Variants in FAM3C observed in about 807,000 individuals in gnomAD.
FAM3C encodes protein FAM3C.
Under a neutral mutation model 32.5 loss-of-function variants are expected in FAM3C, and 15 were observed. The observed-to-expected ratio is 0.46, with a 90% CI of 0.31 to 0.71. The LOEUF (loss-of-function observed/expected upper bound fraction) is 0.71, where lower values mean the gene tolerates loss of function less well. Among genes scored for constraint, FAM3C ranks in the 30% least tolerant of loss-of-function variants. FAM3C has a pLI of 0.05. For missense variants in FAM3C, 175 were observed against 274.4 expected, an observed-to-expected ratio of 0.64 and a Z score of 2.56; for synonymous variants, 75 against 86.1, an observed-to-expected ratio of 0.87 and a Z score of 0.72.
intron 1 of FAM3C, among the ~76,000 whole-genome samples, chr7:121,392,204 G>A (rs369891511): frequency 3.3e-5 from 5 of 152,242 alleles, no homozygotes; most frequent in Non-Finnish European, 5.9e-5. Context: ...TTGTGAAAAC[G>A]TATTGTATTA....
intron 1 of FAM3C, among the ~76,000 whole-genome samples, chr7:121,395,220 C>T (rs887387380): frequency 2.0e-5 from 3 of 150,634 alleles, no homozygotes; most frequent in African/African-American, 7.3e-5. Flanking sequence ...CGGATACATA[C>T]ATATATATGG....
At chr7:121,383,337 A>G (rs1794398713) in intron 1 of FAM3C, among the ~76,000 whole-genome samples, 1 of 152,094 alleles carries the variant, frequency 6.6e-6, no homozygotes, top group South Asian at 2.1e-4. Context: ...TTAGCTCCAA[A>G]CCTTCAGTTT....
intron 8 of FAM3C, among the ~76,000 whole-genome samples, chr7:121,357,954 A>G (rs927681597): frequency 6.6e-6 from 1 of 152,150 alleles, no homozygotes; most frequent in Admixed American, 6.6e-5. Context: ...CAAGTCAGAA[A>G]AGTGGGGCCT....
At chr7:121,371,968 A>G in intron 4 of FAM3C, 142 bp downstream of exon 4, 2 of 598,336 alleles carry the variant, frequency 3.3e-6, no homozygotes. Flanking sequence ...GGGCTGTCCA[A>G]TCAAATAGCA....
At chr7:121,381,308 G>C (rs1794349494) in intron 2 of FAM3C, among the ~76,000 whole-genome samples, 2 of 152,076 alleles carry the variant, frequency 1.3e-5, no homozygotes, top group Non-Finnish European at 2.9e-5. Flanking sequence ...AAAGCAATCA[G>C]ATTTTTTTAA....
chr7:121,364,358 C>T lies in FAM3C; in HGVS notation c.273-170G>A, dbSNP rs1793983686. On this transcript the variant is annotated intron_variant, in intron 5 of 9. Transcript: ENST00000359943. ...CTAAGTCAGAGAAGACAGTCTAATA[C>T]TGAATAATTTTAAAGCAATGTCCTT... The T allele has an allele frequency of 7.7e-6, 4 of 516,680 alleles. 1 individual carries two copies. In the South Asian group the frequency reaches 1.3e-4, roughly 17 times the overall value. The allele number at this position is 516,680 out of a possible 1,614,324, so 32.0% of individuals were successfully genotyped here.
intron 2 of FAM3C, 116 bp from the exon 3 acceptor site, chr7:121,379,130 A>G: frequency 1.7e-6 from 1 of 591,456 alleles, no homozygotes. Context: ...CTTTGTATCT[A>G]TTAGATCTTA....
At chr7:121,390,114 A>C (rs1794545931) in intron 1 of FAM3C, among the ~76,000 whole-genome samples, 2 of 152,188 alleles carry the variant, frequency 1.3e-5, no homozygotes, top group South Asian at 4.1e-4. Context: ...ATTTTTTAAA[A>C]TCTCATATCT....
intron 8 of FAM3C, among the ~76,000 whole-genome samples, chr7:121,356,867 C>T (rs1335942056): frequency 6.6e-6 from 1 of 152,134 alleles, no homozygotes. Context: ...AAGTAGGTAT[C>T]ATTAGATAAC....
intron 5 of FAM3C, among the ~76,000 whole-genome samples, chr7:121,369,753 A>G (rs190068066): frequency 5.3e-5 from 8 of 152,230 alleles, no homozygotes; most frequent in Middle Eastern, 3.2e-3. Context: ...AAGGTCAAGA[A>G]GGAAGACAGC....
At chr7:121,393,137 A>G (rs7793554) in intron 1 of FAM3C, among the ~76,000 whole-genome samples, 77,150 of 151,950 alleles carry the variant, frequency 0.51, 20,828 homozygotes, top group African/African-American at 0.69. Flanking sequence ...TCATAACATC[A>G]TGAACGTGCT....
intron 3 of FAM3C, 79 bp from the exon 4 acceptor site, chr7:121,372,218 CA>C (rs1226972876): frequency 3.4e-6 from 3 of 887,834 alleles, no homozygotes; most frequent in Non-Finnish European, 5.4e-6. Flanking sequence ...TTTAGGTCCA[CA>C]AAAATAAGTG....
chr7:121,378,684 G>A (rs1794289120), intron 3 of FAM3C, among the ~76,000 whole-genome samples: 1 of 149,482 alleles, frequency 6.7e-6, no homozygotes, highest in Non-Finnish European at 1.5e-5. Context: ...GTATAAAATA[G>A]ACTCATTACA....
chr7:121,382,879 T>A (rs1794385536), intron 2 of FAM3C, 78 bp downstream of exon 2: 3 of 1,067,844 alleles, frequency 2.8e-6, no homozygotes, highest in Non-Finnish European at 4.2e-6. Flanking sequence ...AAAGATTATT[T>A]AACCTCTCCT....
intron 3 of FAM3C, among the ~76,000 whole-genome samples, chr7:121,377,453 T>G (rs1263024630): frequency 1.3e-5 from 2 of 152,212 alleles, no homozygotes; most frequent in Non-Finnish European, 2.9e-5. Context: ...TTCTGCCCAC[T>G]AGACCAAAAT....
chr7:121,375,433 G>A (rs1794220702), intron 3 of FAM3C, among the ~76,000 whole-genome samples: 1 of 152,142 alleles, frequency 6.6e-6, no homozygotes, highest in African/African-American at 2.4e-5. Flanking sequence ...TGGGGGATTT[G>A]GGTGCCACCC....
intron 1 of FAM3C, among the ~76,000 whole-genome samples, chr7:121,394,011 C>T (rs533111860): frequency 4.6e-5 from 7 of 152,288 alleles, no homozygotes; most frequent in African/African-American, 1.2e-4. Flanking sequence ...GGGTCTTGCA[C>T]CTTTCAGCTT....
intron 5 of FAM3C, among the ~76,000 whole-genome samples, chr7:121,369,102 C>T (rs1794089800): frequency 6.6e-6 from 1 of 151,794 alleles, no homozygotes; most frequent in Admixed American, 6.6e-5. Context: ...GCCTCAGCCT[C>T]CCAAGTAGCT....
At chr7:121,369,481 T>G (rs1794098600) in intron 5 of FAM3C, among the ~76,000 whole-genome samples, 1 of 152,146 alleles carries the variant, frequency 6.6e-6, no homozygotes, top group Non-Finnish European at 1.5e-5. Flanking sequence ...TAATCTCTCA[T>G]GGTAATGGCA....
Sources: allele counts gnomAD v4.1 joint callset (sites outside exome capture counted in the v4.1 genomes callset), GRCh38; gene constraint gnomAD v4.1.1; transcripts MANE v1.5; gene names NCBI Gene and HGNC (gene_info 2026-07-23, HGNC 2026-07-21).